The following ANKRD26 variants were observed in gnomAD, a reference collection of about 807,000 sequenced individuals.
The protein encoded by ANKRD26 is ankyrin repeat domain 26.
In ANKRD26, 141 loss-of-function variants were observed where a neutral mutation model predicts 208.7. That is an observed-to-expected ratio of 0.68 (90% CI 0.59 to 0.78). The LOEUF (loss-of-function observed/expected upper bound fraction) is 0.78. Ranked by LOEUF, ANKRD26 falls within the 30% of genes least tolerant of loss-of-function variation. ANKRD26 has a pLI of 0.00. For synonymous variants in ANKRD26, 636 were observed against 660.4 expected (o/e 0.96, Z 0.57); for missense variants, 1,889 against 1,938.7 (o/e 0.97, Z 0.48).
chr10:27,003,585 GTTGA>G (rs1350731635), downstream of ANKRD26, among the ~76,000 whole-genome samples: 1 of 152,118 alleles, frequency 6.6e-6, no homozygotes, highest in Non-Finnish European at 1.5e-5. Flanking sequence ...ATGGCAGGAT[GTTGA>G]CTTTGATTAT....
At chr10:26,963,903 G>GTTTTTTTT in the ANKRD26 span, among the ~76,000 whole-genome samples, 9 of 71,842 alleles carry the variant, frequency 1.3e-4, 1 homozygote, top group East Asian at 1.5e-3. Flanking sequence ...TGGTTGGTTG[G>GTTTTTTTT]TTTTTTTTTT....
chr10:27,053,142 G>A (rs537337527), intron 16 of ANKRD26, among the ~76,000 whole-genome samples, 178 bp downstream of exon 16: 51 of 152,162 alleles, frequency 3.4e-4, no homozygotes, highest in African/African-American at 1.1e-3. Flanking sequence ...ATTAGCTATA[G>A]GTTACTACAC....
intron 3 of ANKRD26, among the ~76,000 whole-genome samples, chr10:26,986,247 T>A (rs993761816): frequency 5.3e-4 from 81 of 152,140 alleles, no homozygotes; most frequent in African/African-American, 1.9e-3. Flanking sequence ...TGAAACTGGA[T>A]CCCTTCCTTA....
intron 4 of ANKRD26, among the ~76,000 whole-genome samples, chr10:26,997,380 A>G (rs1055595519): frequency 2.0e-5 from 3 of 152,242 alleles, no homozygotes; most frequent in Admixed American, 6.5e-5. Context: ...ATCTCTCCCA[A>G]TTTGTTTTGT....
rs972090960 is a variant in ANKRD26, at chr10:27,029,708, C to G, written c.3808-352G>C. On this transcript the variant is annotated intron_variant, in intron 25 of 33. Transcript: ENST00000376087. ...AGATAGGAAATTACCTTACGATAAG[C>G]ATTTATATTTTTGCATTCCAAGCAC... is the stretch of plus-strand genomic sequence containing the variant. Among the ~76,000 whole-genome samples the G allele has an allele frequency of 2.6e-5, 4 of 152,266 alleles. No homozygotes were observed. The East Asian group carries it at 7.7e-4, about 29-fold the overall frequency.
chr10:27,074,808 T>C lies in ANKRD26; in HGVS notation c.1077+2530A>G, dbSNP rs1589340425. Among the ~76,000 whole-genome samples the C allele has an allele frequency of 5.3e-5, 8 of 151,618 alleles. 1 individual carries two copies. The South Asian group carries it at 1.7e-3, about 31-fold the overall frequency. ...CAAAAATAAAAAGAATAAAATAAAA[T>C]AAATAAATAAGATTAAATAAAAAGA... On this transcript the variant is annotated intron_variant, in intron 9 of 33. Coordinates refer to ENST00000376087, the MANE Select transcript of ANKRD26 (RefSeq NM_014915.3).
intron 5 of ANKRD26, among the ~76,000 whole-genome samples, chr10:26,977,275 G>A (rs1190291873): frequency 6.6e-6 from 1 of 152,156 alleles, no homozygotes; most frequent in East Asian, 1.9e-4. Flanking sequence ...GTCAAATGGA[G>A]AAAAGGTCAG....
chr10:26,968,718 T>C, the ANKRD26 span, among the ~76,000 whole-genome samples: 1 of 152,166 alleles, frequency 6.6e-6, no homozygotes, highest in Non-Finnish European at 1.5e-5. Context: ...AAGGAGAAAA[T>C]ACTTAGGGCA....
In ANKRD26 at chr10:27,041,688, A is replaced by G. The variant is rs2054244620; in HGVS notation, c.2162-1510T>C. On this transcript the variant is annotated intron_variant, in intron 20 of 33. Transcript: ENST00000376087. ...AGATGAAAATAAACACAGATTAACC[A>G]TCACAAAAGAAAAGATTCATAACTT... Among the ~76,000 whole-genome samples, 5 of 152,204 alleles carry G rather than the reference A, an allele frequency of 3.3e-5. No homozygotes were observed. The South Asian group carries it at 1.0e-3, about 32-fold the overall frequency.
At chr10:26,997,040 C>CA (rs145466379) in intron 4 of ANKRD26, among the ~76,000 whole-genome samples, 3,149 of 150,280 alleles carry the variant, frequency 0.021, 169 homozygotes, top group East Asian at 0.17. Context: ...GCTCATATTC[C>CA]AAAAAAAATC....
intron 3 of ANKRD26, among the ~76,000 whole-genome samples, chr10:26,982,980 A>C (rs2052330869): frequency 6.6e-6 from 1 of 152,142 alleles, no homozygotes; most frequent in East Asian, 1.9e-4. Context: ...GTCAGTCATA[A>C]GTCAGGTTTT....
the ANKRD26 span, among the ~76,000 whole-genome samples, chr10:26,951,013 C>CTTTTCTTTTTTTTTTTTTTTTT: frequency 3.8e-4 from 38 of 100,918 alleles, 3 homozygotes; most frequent in East Asian, 4.3e-3. Context: ...CTTTTCTTTT[C>CTTTTCTTTTTTTTTTTTTTTTT]TTTTTCTTTT....
chr10:27,077,718 A>G, intron 7 of ANKRD26, 25 bp from the exon 8 acceptor site: 1 of 1,580,968 alleles, frequency 6.3e-7, no homozygotes, highest in South Asian at 1.1e-5. Context: ...TAAGAATAAC[A>G]AGTTTTAAAA....
At chr10:27,045,423 TAAA>T (rs74940609) in intron 18 of ANKRD26, among the ~76,000 whole-genome samples, 6 of 127,560 alleles carry the variant, frequency 4.7e-5, no homozygotes, top group Admixed American at 1.6e-4. Flanking sequence ...GACTCTGACT[TAAA>T]AAAAAAAAAA....
chr10:26,957,423 C>T, the ANKRD26 span, among the ~76,000 whole-genome samples: 6 of 152,010 alleles, frequency 3.9e-5, no homozygotes, highest in South Asian at 6.2e-4. Context: ...AAAAGAAAGA[C>T]GAATAGATTA....
intron 15 of ANKRD26, among the ~76,000 whole-genome samples, chr10:27,058,203 T>C (rs957378515): frequency 6.6e-6 from 1 of 152,226 alleles, no homozygotes; most frequent in Non-Finnish European, 1.5e-5. Context: ...GACCATTTAT[T>C]ATTTGACATC....
At chr10:26,951,274 A>G in the ANKRD26 span, among the ~76,000 whole-genome samples, 4 of 151,824 alleles carry the variant, frequency 2.6e-5, no homozygotes, top group African/African-American at 9.7e-5. Context: ...AGCTCACACA[A>G]AGTTTGTACT....
At chr10:26,960,925 T>C in the ANKRD26 span, among the ~76,000 whole-genome samples, 2 of 152,046 alleles carry the variant, frequency 1.3e-5, no homozygotes, top group African/African-American at 4.8e-5. Flanking sequence ...TTAAATTAAG[T>C]ATAAAATTTC....
chr10:27,079,068 G>A, intron 7 of ANKRD26, 21 bp downstream of exon 7: 1 of 1,596,564 alleles, frequency 6.3e-7, no homozygotes, highest in African/African-American at 1.3e-5. Flanking sequence ...AGAAAATTAA[G>A]TTCATGAGAG....
Sources: gnomAD v4.1 joint callset for allele counts (sites outside exome capture counted in the v4.1 genomes callset) on GRCh38, gnomAD v4.1.1 for gene constraint, MANE v1.5 for transcripts, NCBI Gene and HGNC (gene_info 2026-07-23, HGNC 2026-07-21) for gene names.